Variants in TBC1D8 observed in about 807,000 individuals in gnomAD.
TBC1D8 encodes the protein TBC1 domain family member 8, also known as BUB2-like protein 1.
In TBC1D8, 65 loss-of-function variants were observed where a neutral mutation model predicts 118.8. That is an observed-to-expected ratio of 0.55 (90% CI 0.45 to 0.67). TBC1D8 has a LOEUF of 0.67. Among genes scored for constraint, TBC1D8 ranks in the 30% least tolerant of loss-of-function variants. The pLI is 0.00. For missense variants in TBC1D8, 1,376 were observed against 1,471.2 expected, an observed-to-expected ratio of 0.94 and a Z score of 1.06; for synonymous variants, 566 against 595.8, an observed-to-expected ratio of 0.95 and a Z score of 0.73.
chr2:101,040,206 C>T lies in TBC1D8; in HGVS notation c.1052G>A (p.Cys351Tyr), dbSNP rs1317955391. Residue 351 changes from cysteine (C) to tyrosine (Y), a missense_variant, in exon 6 of 20, where the codon TGC (cysteine) becomes TAC (tyrosine). By Grantham distance (194) the Cys-to-Tyr change is radical. Transcript: ENST00000409318. Reference protein sequence around the residue: ...YICFASREDGCCKIILPLREV... With the variant: ...YICFASREDGYCKIILPLREV... ...TCTGAGTGGCAGGATGATCTTACAG[C>T]AGCCATCTTCTCTGCTGGCAAAGCA... The T allele has an allele frequency of 6.2e-7, 1 of 1,614,000 alleles. No individual in the cohort carries two copies. Among genetic ancestry groups the T allele is most frequent in the East Asian group, 2.2e-5 (1 of 44,874 alleles).
chr2:101,017,977 C>T (rs531190516), intron 17 of TBC1D8: 19 of 1,528,406 alleles, frequency 1.2e-5, no homozygotes, highest in Middle Eastern at 1.7e-4. Context: ...ATAGAGGATT[C>T]GAACGGTTCC....
At chr2:101,103,461 GGCTCACTGCAAGCTCC>G (rs1362968321) in intron 1 of TBC1D8, among the ~76,000 whole-genome samples, 2 of 149,062 alleles carry the variant, frequency 1.3e-5, no homozygotes, top group African/African-American at 5.0e-5. Context: ...GCACTATCTC[GGCTCACTGCAAGCTCC>G]GCCTCCCAGG....
At chr2:101,077,739 C>T (rs1332164681) in intron 2 of TBC1D8, among the ~76,000 whole-genome samples, 1 of 152,098 alleles carries the variant, frequency 6.6e-6, no homozygotes, top group Non-Finnish European at 1.5e-5. Context: ...AACACAGATC[C>T]AAACCATATC....
At chr2:101,112,442 C>T (rs1677647393) in intron 1 of TBC1D8, among the ~76,000 whole-genome samples, 1 of 152,166 alleles carries the variant, frequency 6.6e-6, no homozygotes, top group Non-Finnish European at 1.5e-5. Context: ...AAATGAAAGG[C>T]CAGGGCCATA....
chr2:101,086,292 GA>G (rs1361499776), intron 2 of TBC1D8, among the ~76,000 whole-genome samples: 4 of 152,064 alleles, frequency 2.6e-5, no homozygotes, highest in African/African-American at 9.7e-5. Flanking sequence ...AAACAGAAAT[GA>G]AAAGCAGATA....
At chr2:101,150,103 G>C (rs1470531636) in intron 1 of TBC1D8, among the ~76,000 whole-genome samples, 2 of 152,134 alleles carry the variant, frequency 1.3e-5, no homozygotes, top group Non-Finnish European at 2.9e-5. Flanking sequence ...GCAAAATCCA[G>C]TTCCTTTGCA....
intron 5 of TBC1D8, 91 bp downstream of exon 5, chr2:101,050,310 A>C: frequency 6.6e-7 from 1 of 1,503,828 alleles, no homozygotes; most frequent in South Asian, 1.3e-5. Context: ...TAACATAACC[A>C]AGGCTAACAA....
Position 101,037,552 on chromosome 2 carries a change from G to A in TBC1D8, c.1432C>T (p.Gln478Ter). 6.2e-7 allele frequency: 1 copy of A among 1,612,674 alleles called. No homozygotes were observed. Among genetic ancestry groups the A allele is most frequent in the Non-Finnish European group, 8.5e-7 (1 of 1,179,888 alleles). Reference sequence around the variant, plus strand: ...CCCACCATTCGGGAGTCAGGGCTCTGGCTGCCTGACTGCTGGAAGGCGGTG... The same window carrying A: ...CCCACCATTCGGGAGTCAGGGCTCTAGCTGCCTGACTGCTGGAAGGCGGTG... ...LVTAFQQSGS[Q>*]SPDSRMSREQ... is the part of the protein sequence containing the mutation. The change falls in exon 8 of 20, where the codon CAG becomes TAG. Residue 478 changes from glutamine (Q) to a stop codon, truncating the protein, a stop_gained. Coordinates refer to ENST00000409318, the MANE Select transcript of TBC1D8 (RefSeq NM_001330348.2). LOFTEE classifies it high-confidence loss of function.
chr2:101,018,515 C>A (rs1324335202), intron 17 of TBC1D8, among the ~76,000 whole-genome samples: 1 of 152,186 alleles, frequency 6.6e-6, no homozygotes, highest in Non-Finnish European at 1.5e-5. Flanking sequence ...ACTTCTATTC[C>A]TTCACAGAAA....
intron 1 of TBC1D8, among the ~76,000 whole-genome samples, chr2:101,114,053 A>T (rs1052186327): frequency 1.3e-5 from 2 of 152,188 alleles, no homozygotes; most frequent in Non-Finnish European, 2.9e-5. Context: ...AGGATGAATC[A>T]TTTGCAAACT....
At position 101,029,654 on chromosome 2, in the gene TBC1D8, A is replaced by G; in HGVS notation, c.2059T>C (p.Phe687Leu). The G allele has an allele frequency of 6.2e-7, 1 of 1,614,032 alleles. No homozygotes were observed. The highest frequency in any genetic ancestry group is 8.5e-7 in the Non-Finnish European group (1 of 1,179,902). The change falls in exon 12 of 20, where the codon TTC (phenylalanine) becomes CTC (leucine). Residue 687 changes from phenylalanine (F) to leucine (L), a missense_variant. By Grantham distance (22) the Phe-to-Leu change is conservative. Transcript: ENST00000409318. ...CTCTCTAGAGGCATGATGCTGAGGAACAGGGTCAGGAACCACGAGAGAGAG... is the reference window on the plus strand; with the variant it reads ...CTCTCTAGAGGCATGATGCTGAGGAGCAGGGTCAGGAACCACGAGAGAGAG... ...SVSLSWFLTL[F>L]LSIMPLESAV...
rs138786122 is a variant in TBC1D8 at position 101,051,837 on chromosome 2, G to T, written c.632-1196C>A. 1.7e-3 allele frequency among the ~76,000 whole-genome samples: 260 copies of T among 152,278 alleles called. 3 individuals carry two copies. Among genetic ancestry groups the T allele is most frequent in the East Asian group, 4.2e-3 (22 of 5,178 alleles). ...GATGCTGGCGAGGTTGTGGAGAAAA[G>T]GAAACATTTATATGCTGCTGGTATA... On this transcript the variant is annotated intron_variant, in intron 4 of 19. Transcript: ENST00000409318.
chr2:101,008,639 C>T (rs557974075), intron 19 of TBC1D8, among the ~76,000 whole-genome samples: 1 of 152,096 alleles, frequency 6.6e-6, no homozygotes, highest in African/African-American at 2.4e-5. Context: ...ATGGAGAAAC[C>T]CCATCTCTAC....
chr2:101,099,589 GA>G (rs1399372495), intron 1 of TBC1D8, among the ~76,000 whole-genome samples: 2 of 152,176 alleles, frequency 1.3e-5, no homozygotes, highest in African/African-American at 4.8e-5. Flanking sequence ...TATCCCTGAT[GA>G]GCATCGATGT....
chr2:101,057,676 T>C (rs996448753), intron 3 of TBC1D8, among the ~76,000 whole-genome samples: 8 of 152,094 alleles, frequency 5.3e-5, no homozygotes, highest in Admixed American at 6.6e-5. Context: ...ATAAAAACAT[T>C]AGCCAGGTGT....
chr2:101,121,999 G>A lies in TBC1D8; in HGVS notation c.127+29128C>T, dbSNP rs558122306. Reference sequence around the variant, plus strand: ...GAGAACTGCTTGAACCCGGTAGGCAGAGGTTGCAGTGAGCTGAGATCACGC... The same window carrying A: ...GAGAACTGCTTGAACCCGGTAGGCAAAGGTTGCAGTGAGCTGAGATCACGC... On this transcript the variant is annotated intron_variant, in intron 1 of 19. Coordinates refer to ENST00000409318, the MANE Select transcript of TBC1D8 (RefSeq NM_001330348.2). Among the ~76,000 whole-genome samples, 3 of 152,062 alleles carry A rather than the reference G, an allele frequency of 2.0e-5. No individual in the cohort carries two copies. In the South Asian group the frequency reaches 6.2e-4, roughly 32 times the overall value.
intron 2 of TBC1D8, among the ~76,000 whole-genome samples, chr2:101,069,178 G>A (rs536979725): frequency 2.7e-5 from 4 of 150,340 alleles, no homozygotes; most frequent in Admixed American, 2.0e-4. Context: ...GGCACCTGTA[G>A]TCTACTCGGG....
intron 2 of TBC1D8, among the ~76,000 whole-genome samples, chr2:101,061,219 T>G (rs1190269224): frequency 7.0e-6 from 1 of 142,686 alleles, no homozygotes; most frequent in Non-Finnish European, 1.5e-5. Flanking sequence ...AAGCCAGGCA[T>G]GCATTTTGCT....
At position 101,033,606 on chromosome 2, in the gene TBC1D8, C is replaced by G. The variant is rs770385373; in HGVS notation, c.1756G>C (p.Ala586Pro). The G allele has an allele frequency of 1.2e-6, 2 of 1,613,966 alleles. No homozygotes were observed. Among genetic ancestry groups the G allele is most frequent in the South Asian group, 2.2e-5 (2 of 91,080 alleles). ...GCCGTCAAGACTCTCCTCAAAGCAG[C>G]AATTCCCGTTTCGTTCTGGAAGGCG... is the stretch of plus-strand genomic sequence containing the variant. ...HPAFQNETGIAALRRVLTAYA... is the reference protein window; with the variant it reads ...HPAFQNETGIPALRRVLTAYA... Residue 586 changes from alanine to proline, a missense_variant, in exon 10 of 20, where the codon GCT (alanine) becomes CCT (proline). By Grantham distance (27) the Ala-to-Pro change is conservative. Transcript: ENST00000409318.
Sources: gnomAD v4.1 joint callset for allele counts (sites outside exome capture counted in the v4.1 genomes callset) on GRCh38, gnomAD v4.1.1 for gene constraint, MANE v1.5 for transcripts, NCBI Gene and HGNC (gene_info 2026-07-23, HGNC 2026-07-21) for gene names.